Variants in ANKRD13C observed in about 807,000 individuals in gnomAD.
ANKRD13C encodes ankyrin repeat domain 13C, also known as ankyrin repeat domain-containing protein 13C.
ANKRD13C carries 16 observed loss-of-function variants against 65.5 expected under a neutral mutation model. The observed-to-expected ratio is 0.24, with a 90% confidence interval of 0.17 to 0.37. The LOEUF (loss-of-function observed/expected upper bound fraction) is 0.37, where lower values mean the gene tolerates loss of function less well. Among genes scored for constraint, ANKRD13C ranks in the 10% least tolerant of loss-of-function variants. The probability of loss-of-function intolerance (pLI) is 1.00; values close to 1 mark genes in which losing one functional copy is unlikely to be tolerated. For synonymous variants in ANKRD13C, 235 were observed against 238.7 expected, an observed-to-expected ratio of 0.98 and a Z score of 0.14; for missense variants, 503 against 655.9, an observed-to-expected ratio of 0.77 and a Z score of 2.55.
chr1:70,286,382 C>T (rs1263005125), intron 9 of ANKRD13C, among the ~76,000 whole-genome samples: 2 of 152,060 alleles, frequency 1.3e-5, no homozygotes, highest in Non-Finnish European at 1.5e-5. Context: ...AAAAGGATTA[C>T]TATGCTGACA....
Position 70,274,758 on chromosome 1 carries a change from C to G in ANKRD13C, c.1356G>C (p.Thr452=), listed in dbSNP as rs747725792. ...CKESKKTFKA[T]IAMSQEFPLG... ...AGGGAAATTCCTGGCTCATGGCTAT[C>G]GTAGCTTTAAACGTTTTCTTACTCT... The change falls in exon 11 of 13, where the codon ACG becomes ACC. Residue 452 remains threonine (T), a synonymous_variant. Coordinates refer to ENST00000370944, the MANE Select transcript of ANKRD13C (RefSeq NM_030816.5). 16 of 1,613,876 alleles carry G rather than the reference C, an allele frequency of 9.9e-6. No individual in the cohort carries two copies. In the South Asian group the frequency reaches 1.8e-4, roughly 18 times the overall value.
chr1:70,319,403 C>T (rs1451820398), intron 3 of ANKRD13C, among the ~76,000 whole-genome samples: 1 of 152,096 alleles, frequency 6.6e-6, no homozygotes, highest in East Asian at 1.9e-4. Flanking sequence ...GTCAGGAGTT[C>T]AAGACCAGCC....
At chr1:70,293,668 A>C in intron 8 of ANKRD13C, 1 of 421,820 alleles carries the variant, frequency 2.4e-6, no homozygotes, top group Non-Finnish European at 3.2e-6. Context: ...AAAGCCAACA[A>C]ATGGACTGCA....
chr1:70,285,726 GC>G (rs778423043), intron 9 of ANKRD13C, among the ~76,000 whole-genome samples: 8 of 150,534 alleles, frequency 5.3e-5, no homozygotes, highest in South Asian at 4.2e-4. Context: ...TGCCTCCCAG[GC>G]TCAAGCAATT....
At chr1:70,353,502 AAAC>A (rs1682843407) in intron 1 of ANKRD13C, among the ~76,000 whole-genome samples, 2 of 152,216 alleles carry the variant, frequency 1.3e-5, no homozygotes, top group African/African-American at 4.8e-5. Flanking sequence ...GACAAAAAAG[AAAC>A]AACCTGGTGG....
rs1306135634 is a variant in ANKRD13C at position 70,354,326 on chromosome 1, T to C, written c.83A>G (p.Glu28Gly). The change falls in exon 1 of 13, where the codon GAG becomes GGG. Residue 28 changes from glutamate to glycine, a missense_variant. Physicochemically the swap from Glu to Gly is moderately conservative, Grantham distance 98. Coordinates refer to ENST00000370944, the MANE Select transcript of ANKRD13C (RefSeq NM_030816.5). ...EEGDLLEPGD[E>G]EAAAALGGTF... Reference sequence around the variant, plus strand: ...ACCGCCGAGGGCAGCCGCCGCTTCCTCATCCCCGGGCTCCAGCAGGTCCCC... The same window carrying C: ...ACCGCCGAGGGCAGCCGCCGCTTCCCCATCCCCGGGCTCCAGCAGGTCCCC... 2.5e-6 allele frequency: 4 copies of C among 1,613,920 alleles called. No homozygotes were observed. Among genetic ancestry groups the C allele is most frequent in the Non-Finnish European group, 3.4e-6 (4 of 1,180,012 alleles).
intron 7 of ANKRD13C, among the ~76,000 whole-genome samples, chr1:70,297,286 G>GGT (rs1558281019): frequency 3.8e-4 from 47 of 125,102 alleles, no homozygotes; most frequent in African/African-American, 1.2e-3. Context: ...GTCCCTTTCT[G>GGT]ATTTTTTTTT....
Position 70,354,138 on chromosome 1 carries a change from A to T in ANKRD13C, c.271T>A (p.Ser91Thr), listed in dbSNP as rs762766339. 8 of 1,613,952 alleles carry T rather than the reference A, an allele frequency of 5.0e-6. No individual in the cohort carries two copies. The highest frequency in any genetic ancestry group is 5.9e-6 in the Non-Finnish European group (7 of 1,179,908). Reference sequence around the variant, plus strand: ...TTGGTGCCGGCCAGAAGGGCCGGGGACTGGGAGTTGGCAGTCACGGAGGAA... The same window carrying T: ...TTGGTGCCGGCCAGAAGGGCCGGGGTCTGGGAGTTGGCAGTCACGGAGGAA... Reference protein sequence around the residue: ...HNSSVTANSQSPALLAGTNPV... With the variant: ...HNSSVTANSQTPALLAGTNPV... Residue 91 changes from serine (S) to threonine (T), a missense_variant, in exon 1 of 13, where the codon TCC becomes ACC. Coordinates refer to ENST00000370944, the MANE Select transcript of ANKRD13C (RefSeq NM_030816.5).
At chr1:70,297,711 A>G (rs1351072848) in intron 7 of ANKRD13C, among the ~76,000 whole-genome samples, 1 of 149,642 alleles carries the variant, frequency 6.7e-6, no homozygotes, top group East Asian at 2.1e-4. Context: ...GTCAGAAGAC[A>G]GAAACCATTC....
At chr1:70,265,629 C>T (rs940242782) in intron 12 of ANKRD13C, among the ~76,000 whole-genome samples, 7 of 151,248 alleles carry the variant, frequency 4.6e-5, no homozygotes, top group Non-Finnish European at 8.8e-5. Flanking sequence ...TGAGACCAGC[C>T]CGGGCAACAA....
intron 10 of ANKRD13C, among the ~76,000 whole-genome samples, chr1:70,275,231 ATATTAAC>A (rs1324241242): frequency 6.6e-6 from 1 of 152,252 alleles, no homozygotes; most frequent in Non-Finnish European, 1.5e-5. Context: ...AAGGAATTCT[ATATTAAC>A]TATTATCAAA....
chr1:70,333,030 C>A (rs1681878368), intron 2 of ANKRD13C, among the ~76,000 whole-genome samples: 1 of 152,092 alleles, frequency 6.6e-6, no homozygotes, highest in Non-Finnish European at 1.5e-5. Flanking sequence ...TTGATACAGA[C>A]CATATCCTTT....
chr1:70,274,949 T>A, intron 10 of ANKRD13C, 131 bp from the exon 11 acceptor site: 1 of 603,094 alleles, frequency 1.7e-6, no homozygotes, highest in Non-Finnish European at 2.9e-6. Flanking sequence ...AGAAATAAAG[T>A]TATGCTAAAA....
At chr1:70,352,339 CAAAAAAAAAAAA>C (rs397965041) in intron 1 of ANKRD13C, among the ~76,000 whole-genome samples, 29 of 60,772 alleles carry the variant, frequency 4.8e-4, no homozygotes, top group Admixed American at 1.6e-3. Context: ...GACTCCGTCT[CAAAAAAAAAAAA>C]AAAAAAAAAA....
At chr1:70,338,864 C>T (rs1334292328) in intron 1 of ANKRD13C, among the ~76,000 whole-genome samples, 1 of 152,178 alleles carries the variant, frequency 6.6e-6, no homozygotes, top group African/African-American at 2.4e-5. Flanking sequence ...GAATAAGGTC[C>T]TCTTCCTTCT....
rs1047251955 is a variant in ANKRD13C, at chr1:70,259,775, G to C, written c.*2942C>G. 2.0e-5 allele frequency among the ~76,000 whole-genome samples: 3 copies of C among 152,136 alleles called. No homozygotes were observed. Among genetic ancestry groups the C allele is most frequent in the Non-Finnish European group, 4.4e-5 (3 of 68,008 alleles). ...TTCTCTAGCATGTTTGTAAATATGGGTAATATCAATGAGCAGAAGGAAGCA... is the reference window on the plus strand; with the variant it reads ...TTCTCTAGCATGTTTGTAAATATGGCTAATATCAATGAGCAGAAGGAAGCA... On this transcript the variant is annotated 3_prime_UTR_variant, in exon 13 of 13. Transcript: ENST00000370944.
intron 7 of ANKRD13C, among the ~76,000 whole-genome samples, chr1:70,299,546 G>A (rs1464479209): frequency 6.6e-6 from 1 of 152,176 alleles, no homozygotes; most frequent in Non-Finnish European, 1.5e-5. Context: ...TTACAGTAGT[G>A]ACAGTGTGAA....
intron 8 of ANKRD13C, among the ~76,000 whole-genome samples, chr1:70,293,060 C>T (rs1679926843): frequency 6.6e-6 from 1 of 152,156 alleles, no homozygotes. Flanking sequence ...TATTCTCTAA[C>T]AGGCACCAAA....
At chr1:70,293,773 TG>T (rs1468054445) in intron 8 of ANKRD13C, among the ~76,000 whole-genome samples, 1 of 152,234 alleles carries the variant, frequency 6.6e-6, no homozygotes, top group African/African-American at 2.4e-5. Context: ...TATCTGTGGC[TG>T]GGAAATAACC....
Sources: gnomAD v4.1 joint callset for allele counts (sites outside exome capture counted in the v4.1 genomes callset) on GRCh38, gnomAD v4.1.1 for gene constraint, MANE v1.5 for transcripts, NCBI Gene and HGNC (gene_info 2026-07-23, HGNC 2026-07-21) for gene names.